Variants in PLEC observed in about 807,000 individuals in gnomAD.
PLEC encodes the protein plectin.
PLEC carries 216 observed loss-of-function variants against 392.8 expected under a neutral mutation model. That is an observed-to-expected ratio of 0.55 (90% confidence interval 0.49 to 0.62). PLEC has a LOEUF of 0.62. Among genes scored for constraint, PLEC ranks in the 20% least tolerant of loss-of-function variants. The pLI, the probability that PLEC is intolerant of heterozygous loss-of-function variation, is 0.00. For missense variants in PLEC, 6,863 were observed against 6,563.4 expected (o/e 1.05, Z -1.58); for synonymous variants, 3,621 against 2,980.6 (o/e 1.21, Z -7.00).
At chr8:143,953,000 C>T (rs1363728828), upstream of PLEC, among the ~76,000 whole-genome samples, 7 of 139,576 alleles carry the variant, frequency 5.0e-5, no homozygotes, top group African/African-American at 1.9e-4. Flanking sequence ...CACCCCCCCC[C>T]GCCTCGCAGC....
At position 143,925,111 on chromosome 8, in the gene PLEC, C is replaced by A; in HGVS notation, c.4818G>T (p.Leu1606=). The change falls in exon 31 of 32, where the codon CTG becomes CTT. Residue 1606 remains leucine, a synonymous_variant. Coordinates refer to ENST00000345136, the MANE Select transcript of PLEC (RefSeq NM_201384.3). ...GTGCCCGCCGCTCAGCCTCCTCCCG[C>A]AGCTGTGCCACAGCCACGTGTTCCT... is the stretch of plus-strand genomic sequence containing the variant. The part of the protein sequence containing the change: ...LQEEHVAVAQ[L]REEAERRAQQ... The A allele has an allele frequency of 6.4e-7, 1 of 1,555,448 alleles. No homozygotes were observed. The highest frequency in any genetic ancestry group is 2.4e-5 in the East Asian group (1 of 42,044).
rs1286429137 is a variant in PLEC, at chr8:143,969,801, G to A, written c.70+3602C>T. ...ATGTTAGGGATGGGAGTGGGGCTTA[G>A]GGGTGCTGTGAGGTGGTCCTGGAGA... On this transcript the variant is annotated intron_variant, in intron 1 of 31. Coordinates refer to the PLEC transcript ENST00000356346. The surrounding 1 kb of genome is among the most constrained non-coding windows in gnomAD (Gnocchi z 5.1). 1.3e-5 allele frequency among the ~76,000 whole-genome samples: 2 copies of A among 152,036 alleles called. No homozygotes were observed. Among genetic ancestry groups the A allele is most frequent in the Non-Finnish European group, 2.9e-5 (2 of 67,996 alleles).
At position 143,920,522 on chromosome 8, in the gene PLEC, T is replaced by C. The variant is rs1554682103; in HGVS notation, c.9299A>G (p.Lys3100Arg). Residue 3100 changes from lysine to arginine, a missense_variant, in exon 32 of 32, where the codon AAG becomes AGG. Coordinates refer to ENST00000345136, the MANE Select transcript of PLEC (RefSeq NM_201384.3). Reference protein sequence around the residue: ...EFHEKLLSAEKAVTGYRDPYT... With the variant: ...EFHEKLLSAERAVTGYRDPYT... ...GGGGTCCCTGTACCCTGTCACAGCC[T>C]TCTCGGCTGATAGCAGCTTCTCATG... The C allele has an allele frequency of 1.2e-5, 20 of 1,611,330 alleles. No individual in the cohort carries two copies. The highest frequency in any genetic ancestry group is 1.7e-5 in the Admixed American group (1 of 59,988).
chr8:143,955,959 T>C (rs545039940), upstream of PLEC, among the ~76,000 whole-genome samples: 49 of 151,154 alleles, frequency 3.2e-4, no homozygotes, highest in East Asian at 8.7e-3. Flanking sequence ...TTTTTTTTTT[T>C]TTTTTAACTG....
In PLEC at chr8:143,932,859, G is replaced by A; in HGVS notation, c.1671C>T (p.Ser557=). The change falls in exon 14 of 32, where the codon AGC becomes AGT. Residue 557 remains serine (S), a synonymous_variant. Transcript: ENST00000345136. The part of the protein sequence containing the change: ...DLPSVEAQLG[S]HRGLHQSIEE... ...CGATGGACTGGTGCAGGCCTCGGTG[G>A]CTGCCCAGCTGCGCCTCCACGCTGG... 6.2e-7 allele frequency: 1 copy of A among 1,612,238 alleles called. No homozygotes were observed. The highest frequency in any genetic ancestry group is 8.5e-7 in the Non-Finnish European group (1 of 1,179,794).
chr8:143,966,815 G>A (rs1305501993), intron 1 of PLEC, among the ~76,000 whole-genome samples: 4 of 152,272 alleles, frequency 2.6e-5, no homozygotes, highest in African/African-American at 7.2e-5. Flanking sequence ...AATCATCCCT[G>A]TAACCCACAA....
upstream of PLEC, among the ~76,000 whole-genome samples, chr8:143,940,781 GGT>G: frequency 1.3e-5 from 2 of 152,208 alleles, no homozygotes; most frequent in South Asian, 4.1e-4. Context: ...CACAATGGGG[GGT>G]GCCCAAACCC....
rs374178650 is a variant in PLEC at position 143,921,802 on chromosome 8, C to T, written c.8019G>A (p.Ala2673=). 7.1e-5 allele frequency: 115 copies of T among 1,609,636 alleles called. No homozygotes were observed. The East Asian group carries it at 1.4e-3, about 20-fold the overall frequency. The change falls in exon 32 of 32, where the codon GCG becomes GCA. Residue 2673 remains alanine (A), a synonymous_variant. Transcript: ENST00000345136. ...ILSAEELQRL[A]QGHTTVDELA... ...GCTCGTCCACCGTGGTGTGGCCCTG[C>T]GCCAACCGCTGCAGCTCCTCCGCAC...
chr8:143,942,321 A>T, upstream of PLEC: 3 of 1,569,654 alleles, frequency 1.9e-6, no homozygotes, highest in East Asian at 4.5e-5. Flanking sequence ...GGTTCCCAGC[A>T]GAGACCCAGC....
chr8:143,935,594 C>T (rs1370469403), intron 6 of PLEC, among the ~76,000 whole-genome samples: 1 of 152,224 alleles, frequency 6.6e-6, no homozygotes, highest in African/African-American at 2.4e-5. Context: ...CCGGAGGCGT[C>T]CACAGAGGGC....
At chr8:143,966,395 C>G (rs1316139237) in intron 1 of PLEC, among the ~76,000 whole-genome samples, 1 of 152,228 alleles carries the variant, frequency 6.6e-6, no homozygotes, top group African/African-American at 2.4e-5. Context: ...ACACGCATAC[C>G]TATCTCACAG....
rs544874132 is a variant in PLEC, at chr8:143,922,004, C to G, written c.7817G>C (p.Arg2606Pro). ...CTCCTCTGAGTGCGCCAGCGCGGCC[C>G]GGTGCTGCTCCTCCAGGAGCTGCAG... is the stretch of plus-strand genomic sequence containing the variant. ...EQLQLLEEQH[R>P]AALAHSEEVT... Residue 2606 changes from arginine to proline, a missense_variant, in exon 32 of 32, where the codon CGG (arginine) becomes CCG (proline). Transcript: ENST00000345136. 6.3e-7 allele frequency: 1 copy of G among 1,598,150 alleles called. No homozygotes were observed.
At chr8:143,953,785 C>G, upstream of PLEC, 1 of 1,611,808 alleles carries the variant, frequency 6.2e-7, no homozygotes, top group South Asian at 1.1e-5. Context: ...TGCGCCGGGG[C>G]TGAGGGCGGC....
upstream of PLEC, chr8:143,973,656 G>T: frequency 2.2e-6 from 1 of 460,860 alleles, no homozygotes. This position sits in a 1 kb window ranked among gnomAD's most constrained non-coding sequence, Gnocchi z 5.6. Context: ...AGGGAGCCGC[G>T]TCTGGGCCCC....
At chr8:143,971,120 C>T (rs1366513018) in intron 1 of PLEC, among the ~76,000 whole-genome samples, 2 of 152,088 alleles carry the variant, frequency 1.3e-5, no homozygotes, top group African/African-American at 2.4e-5. Context: ...CAGGGAATGA[C>T]GTGTCCAGGG....
At position 143,925,080 on chromosome 8, in the gene PLEC, G is replaced by A; in HGVS notation, c.4849C>T (p.Gln1617Ter). Residue 1617 changes from glutamine (Q) to a stop codon, truncating the protein, a stop_gained, in exon 31 of 32, where the codon CAG (glutamine) becomes TAG (stop). Transcript: ENST00000345136. LOFTEE classifies it high-confidence loss of function. ...REEAERRAQQ[Q>*]AEAERAREEA... Reference sequence around the variant, plus strand: ...TCGCGCGCCCGCTCGGCCTCGGCCTGCTGCTGTGCCCGCCGCTCAGCCTCC... The same window carrying A: ...TCGCGCGCCCGCTCGGCCTCGGCCTACTGCTGTGCCCGCCGCTCAGCCTCC... 3 of 1,539,322 alleles carry A rather than the reference G, an allele frequency of 1.9e-6. No homozygotes were observed. Among genetic ancestry groups the A allele is most frequent in the South Asian group, 1.2e-5 (1 of 84,738 alleles).
upstream of PLEC, chr8:143,943,680 T>A: frequency 8.6e-7 from 1 of 1,156,698 alleles, no homozygotes; most frequent in Admixed American, 2.0e-5. Flanking sequence ...GACATTCAGC[T>A]TGGAAACAGG....
upstream of PLEC, among the ~76,000 whole-genome samples, chr8:143,941,144 CT>C (rs1291402817): frequency 3.9e-5 from 6 of 152,254 alleles, no homozygotes; most frequent in Non-Finnish European, 7.3e-5. Context: ...AGCAGCTACC[CT>C]GAGGCCAAGC....
At position 143,921,286 on chromosome 8, in the gene PLEC, G is replaced by C. The variant is rs1024252444; in HGVS notation, c.8535C>G (p.Asp2845Glu). 6 of 1,613,970 alleles carry C rather than the reference G, an allele frequency of 3.7e-6. No individual in the cohort carries two copies. Among genetic ancestry groups the C allele is most frequent in the Non-Finnish European group, 5.1e-6 (6 of 1,180,046 alleles). The change falls in exon 32 of 32, where the codon GAC becomes GAG. Residue 2845 changes from aspartate (D) to glutamate (E), a missense_variant. Asp to Glu is a conservative substitution (Grantham distance 45). Coordinates refer to ENST00000345136, the MANE Select transcript of PLEC (RefSeq NM_201384.3). ...AGAAGCCCTTGGTGTCGTCGCTGGG[G>C]TCCGCCAGGACGCGGTTCATCTCCT... ...FDEEMNRVLA[D>E]PSDDTKGFFD... is the part of the protein sequence containing the mutation.
Sources: allele counts gnomAD v4.1 joint callset (sites outside exome capture counted in the v4.1 genomes callset), GRCh38; gene constraint gnomAD v4.1.1; non-coding constraint Gnocchi (gnomAD v3.1); transcripts MANE v1.5; gene names NCBI Gene and HGNC (gene_info 2026-07-23, HGNC 2026-07-21).